Variants in SORCS1 observed in about 807,000 individuals in gnomAD.
The protein encoded by SORCS1 is sortilin related VPS10 domain containing receptor 1.
A neutral mutation model predicts 146.1 loss-of-function variants in SORCS1; 60 were observed. The ratio of observed to expected loss-of-function variants is 0.41; its 90% CI spans 0.33 to 0.51. SORCS1 has a LOEUF of 0.51. SORCS1 is among the 20% of genes least tolerant of loss of function. The pLI, the probability that SORCS1 is intolerant of heterozygous loss-of-function variation, is 0.21. For missense variants in SORCS1, 1,352 were observed against 1,487.6 expected, an observed-to-expected ratio of 0.91 and a Z score of 1.50; for synonymous variants, 637 against 584.0, an observed-to-expected ratio of 1.09 and a Z score of -1.31.
At chr10:107,109,172 T>C (rs749308084) in intron 1 of SORCS1, among the ~76,000 whole-genome samples, 3 of 152,170 alleles carry the variant, frequency 2.0e-5, no homozygotes, top group Non-Finnish European at 4.4e-5. Flanking sequence ...TGATGGGTGG[T>C]AGCCCCCTTC....
At chr10:106,742,504 C>T (rs1158824168) in intron 5 of SORCS1, among the ~76,000 whole-genome samples, 2 of 152,058 alleles carry the variant, frequency 1.3e-5, no homozygotes, top group Non-Finnish European at 2.9e-5. Context: ...CTCAGCCTCC[C>T]AAGTGGCTGG....
At chr10:106,710,566 C>G (rs1049773917) in intron 6 of SORCS1, among the ~76,000 whole-genome samples, 9 of 152,096 alleles carry the variant, frequency 5.9e-5, no homozygotes, top group African/African-American at 1.9e-4. Context: ...AATGACAACT[C>G]TTACGTCAGT....
intron 2 of SORCS1, among the ~76,000 whole-genome samples, chr10:106,837,212 CT>C (rs1468873457): frequency 6.6e-6 from 1 of 152,176 alleles, no homozygotes; most frequent in Non-Finnish European, 1.5e-5. Context: ...AATTTCCATG[CT>C]GAATGACACT....
rs1237646700 is a variant in SORCS1 at position 106,681,112 on chromosome 10, T to C, written c.1561-1378A>G. 2.0e-5 allele frequency among the ~76,000 whole-genome samples: 3 copies of C among 152,174 alleles called. No individual in the cohort carries two copies. In the East Asian group the frequency reaches 5.8e-4, roughly 29 times the overall value. On this transcript the variant is annotated intron_variant, in intron 10 of 25. Transcript: ENST00000263054. ...ATAGGACTAAAGAAGACAGCCCCTA[T>C]TAGAAGAAATATCAGGCCTAGACTC... is the stretch of plus-strand genomic sequence containing the variant.
chr10:106,612,136 G>A (rs1847034719), intron 21 of SORCS1, 113 bp from the exon 22 acceptor site: 3 of 741,462 alleles, frequency 4.0e-6, no homozygotes, highest in African/African-American at 3.5e-5. Flanking sequence ...CTTACCATAG[G>A]GACCTTTTTA....
chr10:107,142,935 A>C (rs1207052095), intron 1 of SORCS1, among the ~76,000 whole-genome samples: 1 of 152,208 alleles, frequency 6.6e-6, no homozygotes, highest in African/African-American at 2.4e-5. Context: ...CCCTGTATGT[A>C]GTTTCTAAAA....
At chr10:107,082,150 C>T (rs913118915) in intron 1 of SORCS1, among the ~76,000 whole-genome samples, 6 of 148,640 alleles carry the variant, frequency 4.0e-5, no homozygotes, top group South Asian at 2.1e-4. Flanking sequence ...CCTGCACTTT[C>T]GGAAACTCTC....
intron 5 of SORCS1, among the ~76,000 whole-genome samples, chr10:106,757,013 C>T (rs771697862): frequency 1.3e-5 from 2 of 152,084 alleles, no homozygotes; most frequent in Non-Finnish European, 2.9e-5. Context: ...TGATTAAAGC[C>T]TTCTTCTTTG....
At chr10:106,780,240 T>G (rs574831155) in intron 3 of SORCS1, among the ~76,000 whole-genome samples, 2 of 152,332 alleles carry the variant, frequency 1.3e-5, no homozygotes, top group East Asian at 3.9e-4. Flanking sequence ...AAGTTCAAAT[T>G]AGCAAATATT....
chr10:106,966,875 T>C (rs1193742489), intron 1 of SORCS1, among the ~76,000 whole-genome samples: 1 of 152,146 alleles, frequency 6.6e-6, no homozygotes, highest in African/African-American at 2.4e-5. Flanking sequence ...GCTAAGTTCC[T>C]TCCTGCTAGT....
intron 1 of SORCS1, among the ~76,000 whole-genome samples, chr10:107,112,387 T>C (rs1965756862): frequency 6.6e-6 from 1 of 151,854 alleles, no homozygotes; most frequent in Non-Finnish European, 1.5e-5. Flanking sequence ...AAATCTCTAG[T>C]AGATACACAA....
chr10:106,602,544 C>CACACACACAA (rs1390912383), intron 23 of SORCS1, among the ~76,000 whole-genome samples: 1 of 151,342 alleles, frequency 6.6e-6, no homozygotes, highest in African/African-American at 2.4e-5. Flanking sequence ...CACACACACA[C>CACACACACAA]ACACACAAAC....
chr10:107,009,819 A>T (rs1957618988), intron 1 of SORCS1, among the ~76,000 whole-genome samples: 1 of 152,206 alleles, frequency 6.6e-6, no homozygotes, highest in South Asian at 2.1e-4. Flanking sequence ...AGAGATGCAA[A>T]TAATTATTAT....
At chr10:106,929,372 G>A (rs1953266713) in intron 2 of SORCS1, among the ~76,000 whole-genome samples, 1 of 152,182 alleles carries the variant, frequency 6.6e-6, no homozygotes, top group South Asian at 2.1e-4. Context: ...GAAGGGAAAA[G>A]ACCTGGGGTA....
intron 2 of SORCS1, among the ~76,000 whole-genome samples, chr10:106,887,927 T>C (rs557846523): frequency 3.3e-5 from 5 of 152,204 alleles, no homozygotes; most frequent in Non-Finnish European, 5.9e-5. Flanking sequence ...TAGACAAAGC[T>C]GCAAACTGCA....
At chr10:107,000,427 G>C (rs187716890) in intron 1 of SORCS1, among the ~76,000 whole-genome samples, 1 of 150,558 alleles carries the variant, frequency 6.6e-6, no homozygotes, top group Non-Finnish European at 1.5e-5. Flanking sequence ...GTGAAACCCC[G>C]TCTCTACTAA....
chr10:107,114,168 A>G (rs1410016201), intron 1 of SORCS1, among the ~76,000 whole-genome samples: 1 of 152,162 alleles, frequency 6.6e-6, no homozygotes, highest in Non-Finnish European at 1.5e-5. Context: ...CTCCCAACAA[A>G]AAAATTCCAG....
chr10:106,967,492 G>C (rs1955552366), intron 1 of SORCS1, among the ~76,000 whole-genome samples: 1 of 152,100 alleles, frequency 6.6e-6, no homozygotes, highest in Non-Finnish European at 1.5e-5. Flanking sequence ...GCATATTCAA[G>C]ACAAGATCTT....
At chr10:106,959,383 T>C (rs1415848349) in intron 1 of SORCS1, among the ~76,000 whole-genome samples, 2 of 152,214 alleles carry the variant, frequency 1.3e-5, no homozygotes, top group Admixed American at 6.5e-5. Flanking sequence ...TTTCAATCGA[T>C]TATTTGAGAT....
Sources: gnomAD v4.1 joint callset for allele counts (sites outside exome capture counted in the v4.1 genomes callset) on GRCh38, gnomAD v4.1.1 for gene constraint, MANE v1.5 for transcripts, NCBI Gene and HGNC (gene_info 2026-07-23, HGNC 2026-07-21) for gene names.